The following RALGAPA2 variants were observed in gnomAD, a reference collection of about 807,000 sequenced individuals.
RALGAPA2 encodes Ral GTPase activating protein catalytic subunit alpha 2.
Under a neutral mutation model 230.4 loss-of-function variants are expected in RALGAPA2, and 139 were observed. That is an observed-to-expected ratio of 0.60 (90% CI 0.53 to 0.69). The LOEUF is 0.69. Ranked by LOEUF, RALGAPA2 falls within the 30% of genes least tolerant of loss-of-function variation. The probability of loss-of-function intolerance (pLI) is 0.00; values close to 1 mark genes in which losing one functional copy is unlikely to be tolerated. For missense variants in RALGAPA2, 2,163 were observed against 2,276.0 expected, an observed-to-expected ratio of 0.95 and a Z score of 1.01; for synonymous variants, 847 against 837.8, an observed-to-expected ratio of 1.01 and a Z score of -0.19.
intron 27 of RALGAPA2, among the ~76,000 whole-genome samples, chr20:20,530,371 A>C (rs2063335772): frequency 6.6e-6 from 1 of 152,192 alleles, no homozygotes; most frequent in African/African-American, 2.4e-5. Context: ...GATCAGCAGC[A>C]AGTGTTTTTC....
chr20:20,450,056 T>C (rs1020819795), intron 37 of RALGAPA2, among the ~76,000 whole-genome samples: 10 of 152,210 alleles, frequency 6.6e-5, no homozygotes, highest in Non-Finnish European at 1.3e-4. Context: ...TCATTATACA[T>C]GGCCTTTATG....
chr20:20,571,779 C>T lies in RALGAPA2; in HGVS notation c.3000+69G>A, dbSNP rs972368203. Reference sequence around the variant, plus strand: ...CAAAACATGCAGTCTTGGGCAATTACATTTTTCAAACTCAATTTCAGAAAG... The same window carrying T: ...CAAAACATGCAGTCTTGGGCAATTATATTTTTCAAACTCAATTTCAGAAAG... On this transcript the variant is annotated intron_variant, in intron 22 of 39. Transcript: ENST00000202677. 2.2e-5 allele frequency: 33 copies of T among 1,495,440 alleles called. No homozygotes were observed. In the African/African-American group the frequency reaches 3.7e-4, roughly 17 times the overall value. 92.6% of individuals were successfully genotyped at this position (1,495,440 alleles called of 1,614,324 possible).
chr20:20,450,179 C>T (rs2060956563), intron 37 of RALGAPA2, among the ~76,000 whole-genome samples: 1 of 152,266 alleles, frequency 6.6e-6, no homozygotes, highest in South Asian at 2.1e-4. Flanking sequence ...GGAACTGCGT[C>T]CTCAACTATT....
intron 32 of RALGAPA2, among the ~76,000 whole-genome samples, chr20:20,511,774 C>T (rs1454328752): frequency 1.3e-5 from 2 of 152,196 alleles, no homozygotes; most frequent in Non-Finnish European, 2.9e-5. Context: ...TATCCTTTAT[C>T]AGAGTTGTAT....
chr20:20,459,927 C>CT (rs2123269630), intron 37 of RALGAPA2, among the ~76,000 whole-genome samples: 1 of 152,308 alleles, frequency 6.6e-6, no homozygotes, highest in South Asian at 2.1e-4. Context: ...TCACTGGGCA[C>CT]TGACCACATG....
At chr20:20,431,245 G>A (rs2060495791) in intron 37 of RALGAPA2, among the ~76,000 whole-genome samples, 1 of 152,222 alleles carries the variant, frequency 6.6e-6, no homozygotes, top group African/African-American at 2.4e-5. Flanking sequence ...ACTGGAGAGA[G>A]GCCGGAGTCT....
At chr20:20,516,789 AGTCACG>A (rs923120821) in intron 31 of RALGAPA2, among the ~76,000 whole-genome samples, 2 of 152,220 alleles carry the variant, frequency 1.3e-5, no homozygotes, top group Admixed American at 1.3e-4. Flanking sequence ...GAGCAATAGC[AGTCACG>A]GTAGTCTGGC....
intron 36 of RALGAPA2, among the ~76,000 whole-genome samples, chr20:20,491,795 A>C (rs1310950781): frequency 6.6e-6 from 1 of 152,172 alleles, no homozygotes; most frequent in Non-Finnish European, 1.5e-5. Flanking sequence ...TTTGAAAGTA[A>C]TTTAACAATG....
chr20:20,648,546 T>A (rs77655150), intron 4 of RALGAPA2, among the ~76,000 whole-genome samples: 1 of 152,030 alleles, frequency 6.6e-6, no homozygotes, highest in Non-Finnish European at 1.5e-5. Flanking sequence ...ATTTTTTTTT[T>A]AATATAAGAA....
At chr20:20,519,797 T>C (rs1332055155) in intron 31 of RALGAPA2, among the ~76,000 whole-genome samples, 1 of 152,184 alleles carries the variant, frequency 6.6e-6, no homozygotes, top group Non-Finnish European at 1.5e-5. Flanking sequence ...AAGGTTCTAG[T>C]CTTGGGCCTA....
At chr20:20,601,890 T>C (rs759531883) in intron 15 of RALGAPA2, 44 bp from the exon 16 acceptor site, 8 of 1,504,516 alleles carry the variant, frequency 5.3e-6, no homozygotes, top group Middle Eastern at 2.0e-4. Flanking sequence ...GAATTCATTA[T>C]TATTCATTTC....
In RALGAPA2 at chr20:20,398,517, C is replaced by G. The variant is rs752834950; in HGVS notation, c.5618-1783G>C. Among the ~76,000 whole-genome samples, 1 of 152,170 alleles carries G rather than the reference C, an allele frequency of 6.6e-6. No individual in the cohort carries two copies. Among genetic ancestry groups the G allele is most frequent in the Non-Finnish European group, 1.5e-5 (1 of 68,026 alleles). ...TTCCATGGGGCTCAAATGTCACTTG[C>G]CCTTGACACACGGCGGTGCTCCCAA... On this transcript the variant is annotated intron_variant, in intron 38 of 39. Coordinates refer to ENST00000202677, the MANE Select transcript of RALGAPA2 (RefSeq NM_020343.4). This position sits in a 1 kb window ranked among gnomAD's most constrained non-coding sequence, Gnocchi z 4.5.
At chr20:20,479,174 C>G (rs868241737) in intron 36 of RALGAPA2, among the ~76,000 whole-genome samples, 5 of 152,156 alleles carry the variant, frequency 3.3e-5, no homozygotes, top group Non-Finnish European at 5.9e-5. Flanking sequence ...AAAGCCAGCT[C>G]AGAAGCCTTC....
chr20:20,454,532 A>G (rs1213215160), intron 37 of RALGAPA2, among the ~76,000 whole-genome samples: 1 of 152,220 alleles, frequency 6.6e-6, no homozygotes, highest in Non-Finnish European at 1.5e-5. Context: ...CCTGAAATCC[A>G]CAGATAAAAT....
intron 7 of RALGAPA2, among the ~76,000 whole-genome samples, chr20:20,638,733 T>C (rs1447981122): frequency 6.6e-6 from 1 of 152,126 alleles, no homozygotes; most frequent in African/African-American, 2.4e-5. Context: ...AGTTCAAATG[T>C]GGAGTTTCCA....
chr20:20,620,754 T>C (rs2066294099), intron 10 of RALGAPA2, 124 bp from the exon 11 acceptor site: 2 of 779,906 alleles, frequency 2.6e-6, no homozygotes, highest in Non-Finnish European at 3.8e-6. Flanking sequence ...AGCTTATAAA[T>C]ATACTACACA....
chr20:20,631,023 C>A (rs1452239030), intron 9 of RALGAPA2, among the ~76,000 whole-genome samples: 2 of 152,204 alleles, frequency 1.3e-5, no homozygotes, highest in Non-Finnish European at 2.9e-5. Flanking sequence ...TCCCTTTCAT[C>A]TACATGGACT....
intron 11 of RALGAPA2, among the ~76,000 whole-genome samples, chr20:20,619,688 C>T (rs2066262513): frequency 6.6e-6 from 1 of 152,052 alleles, no homozygotes; most frequent in South Asian, 2.1e-4. Context: ...GGAATACAGC[C>T]CTTTAAAATG....
chr20:20,563,950 T>A (rs2064334724), intron 23 of RALGAPA2, among the ~76,000 whole-genome samples: 1 of 152,152 alleles, frequency 6.6e-6, no homozygotes, highest in Non-Finnish European at 1.5e-5. Flanking sequence ...CAGTCCTTGT[T>A]AGCCCTCATT....
Sources: allele counts gnomAD v4.1 joint callset (sites outside exome capture counted in the v4.1 genomes callset), GRCh38; gene constraint gnomAD v4.1.1; non-coding constraint Gnocchi (gnomAD v3.1); transcripts MANE v1.5; gene names NCBI Gene and HGNC (gene_info 2026-07-23, HGNC 2026-07-21).